RPGRIP1: variants seen among roughly 807,000 people sequenced by gnomAD.
The protein encoded by RPGRIP1 is RPGR interacting protein 1, also known as X-linked retinitis pigmentosa GTPase regulator-interacting protein 1.
In RPGRIP1, 128 loss-of-function variants were observed where a neutral mutation model predicts 157.9. The ratio of observed to expected loss-of-function variants is 0.81; its 90% confidence interval spans 0.70 to 0.94. The LOEUF is 0.94. RPGRIP1 is among the 40% of genes least tolerant of loss of function. The pLI, the probability that RPGRIP1 is intolerant of heterozygous loss-of-function variation, is 0.00. For synonymous variants in RPGRIP1, 554 were observed against 571.6 expected, an observed-to-expected ratio of 0.97 and a Z score of 0.44; for missense variants, 1,486 against 1,545.8, an observed-to-expected ratio of 0.96 and a Z score of 0.65.
At chr14:21,284,608 G>T (rs978567783) in intron 1 of RPGRIP1, among the ~76,000 whole-genome samples, 1 of 142,244 alleles carries the variant, frequency 7.0e-6, no homozygotes, top group African/African-American at 2.6e-5. Context: ...ACAGTGGCAC[G>T]ATCTCTGCTC....
intron 17 of RPGRIP1, among the ~76,000 whole-genome samples, chr14:21,326,446 A>C (rs1266415744): frequency 6.6e-6 from 1 of 152,138 alleles, no homozygotes; most frequent in Non-Finnish European, 1.5e-5. Context: ...CTGTATCTGA[A>C]TAAACTTCTT....
At chr14:21,321,238 C>T (rs1362163574) in intron 12 of RPGRIP1, 21 bp from the exon 13 acceptor site, 3 of 1,604,926 alleles carry the variant, frequency 1.9e-6, no homozygotes, top group Non-Finnish European at 1.7e-6. Context: ...CTCCCTTTTA[C>T]CAATGCGTTT....
At chr14:21,300,705 CT>C (rs918137131) in intron 3 of RPGRIP1, among the ~76,000 whole-genome samples, 2,358 of 73,398 alleles carry the variant, frequency 0.032, 17 homozygotes, top group African/African-American at 0.056. Flanking sequence ...AGTGGCTCAA[CT>C]TTTTTTTTTT....
Position 21,337,913 on chromosome 14 carries a change from G to A in RPGRIP1, c.3339+3208G>A, listed in dbSNP as rs973566978. The stretch of plus-strand genomic sequence containing the variant: ...TGGGACTACAGACACACGCTGTCAC[G>A]TCCAGCTAATTTTTTTGTTTTGAGA... On this transcript the variant is annotated intron_variant, in intron 21 of 24. Transcript: ENST00000400017. Among the ~76,000 whole-genome samples the A allele has an allele frequency of 4.6e-5, 7 of 151,272 alleles. No homozygotes were observed. The South Asian group carries it at 1.1e-3, about 23-fold the overall frequency.
intron 24 of RPGRIP1, among the ~76,000 whole-genome samples, chr14:21,349,489 CTCTT>C (rs1594285267): frequency 6.7e-6 from 1 of 149,312 alleles, no homozygotes; most frequent in African/African-American, 2.5e-5. Flanking sequence ...CAACCTCTGC[CTCTT>C]TCTTAATCAA....
At chr14:21,316,848 G>C (rs1180073196) in intron 10 of RPGRIP1, among the ~76,000 whole-genome samples, 3 of 152,134 alleles carry the variant, frequency 2.0e-5, no homozygotes, top group Admixed American at 6.5e-5. Context: ...GGCTGGGCAT[G>C]GTGGCTCACA....
chr14:21,294,280 G>C (rs753921846), intron 2 of RPGRIP1, among the ~76,000 whole-genome samples: 1 of 151,202 alleles, frequency 6.6e-6, no homozygotes, highest in Non-Finnish European at 1.5e-5. Context: ...ACCCAGGGTG[G>C]AGTACAGTGG....
intron 6 of RPGRIP1, among the ~76,000 whole-genome samples, chr14:21,304,437 AAG>A (rs1881208438): frequency 1.3e-5 from 2 of 149,848 alleles, no homozygotes; most frequent in South Asian, 2.1e-4. Context: ...GAAAGAAAGA[AAG>A]AAAGAAATTA....
chr14:21,301,860 A>G (rs899406172), intron 4 of RPGRIP1, among the ~76,000 whole-genome samples: 2 of 151,988 alleles, frequency 1.3e-5, no homozygotes, highest in African/African-American at 4.8e-5. Context: ...CCTGGGCAAC[A>G]GAGTGACACT....
chr14:21,319,577 C>T (rs1200283616), intron 11 of RPGRIP1, among the ~76,000 whole-genome samples: 3 of 152,058 alleles, frequency 2.0e-5, no homozygotes, highest in Non-Finnish European at 4.4e-5. Flanking sequence ...AACACACACA[C>T]ACACATTGGA....
chr14:21,328,521 A>G lies in RPGRIP1; in HGVS notation c.2993A>G (p.Gln998Arg), dbSNP rs1883354997. ...GGAGAAAGAAAGGAGAAGGAGCACC[A>G]GGTTGTGAGCTACTCAAGAAGAAAA... ...HGGERKEKEH[Q>R]VVSYSRRKHG... Residue 998 changes from glutamine to arginine, a missense_variant, in exon 19 of 25, where the codon CAG becomes CGG. Physicochemically the swap from Gln to Arg is conservative, Grantham distance 43. Transcript: ENST00000400017. 2 of 1,613,566 alleles carry G rather than the reference A, an allele frequency of 1.2e-6. No individual in the cohort carries two copies.
At chr14:21,350,061 A>G (rs899747738) in intron 24 of RPGRIP1, among the ~76,000 whole-genome samples, 2 of 152,120 alleles carry the variant, frequency 1.3e-5, no homozygotes, top group Admixed American at 6.5e-5. Flanking sequence ...AAAAATGCAA[A>G]CCAAAACTGT....
At position 21,351,282 on chromosome 14, in the gene RPGRIP1, T is replaced by A; in HGVS notation, c.*66T>A. On this transcript the variant is annotated 3_prime_UTR_variant, in exon 25 of 25. Transcript: ENST00000400017. ...CCATAGTAAAAAGTCTCTTATAAAGTTAGCTTGCTATAACATGAATTTGGT... is the reference window on the plus strand; with the variant it reads ...CCATAGTAAAAAGTCTCTTATAAAGATAGCTTGCTATAACATGAATTTGGT... The A allele has an allele frequency of 2.1e-6, 2 of 948,640 alleles. No homozygotes were observed. Among genetic ancestry groups the A allele is most frequent in the Non-Finnish European group, 3.3e-6 (2 of 602,908 alleles). The allele number at this position is 948,640 out of a possible 1,614,324, so 58.8% of individuals were successfully genotyped here. A position where few individuals can be genotyped will look rare whatever the true frequency, so the allele number is the denominator to read the frequency against.
intron 11 of RPGRIP1, among the ~76,000 whole-genome samples, chr14:21,318,953 T>C (rs1882098222): frequency 6.6e-6 from 1 of 152,182 alleles, no homozygotes; most frequent in Non-Finnish European, 1.5e-5. Context: ...GATAGGTATT[T>C]GGAACATTTT....
chr14:21,339,154 G>T (rs1192407319), intron 21 of RPGRIP1, among the ~76,000 whole-genome samples: 1 of 151,022 alleles, frequency 6.6e-6, no homozygotes, highest in Non-Finnish European at 1.5e-5. Context: ...GTTTTGTTTT[G>T]TTTTTTTAAC....
At chr14:21,298,681 C>T (rs1173936264) in intron 3 of RPGRIP1, among the ~76,000 whole-genome samples, 1 of 151,936 alleles carries the variant, frequency 6.6e-6, no homozygotes, top group Non-Finnish European at 1.5e-5. Context: ...GTGGCTCATG[C>T]CTGTAATTCC....
At chr14:21,280,271 T>C (rs1283500138) in intron 1 of RPGRIP1, among the ~76,000 whole-genome samples, 112 bp downstream of exon 1, 3 of 128,202 alleles carry the variant, frequency 2.3e-5, no homozygotes, top group African/African-American at 8.9e-5. Flanking sequence ...TGAGACAGAG[T>C]CTTACTCTGT....
chr14:21,317,711 T>G lies in RPGRIP1; in HGVS notation c.1167T>G (p.Ser389Arg). The G allele has an allele frequency of 6.3e-7, 1 of 1,586,418 alleles. No homozygotes were observed. Among genetic ancestry groups the G allele is most frequent in the African/African-American group, 1.3e-5 (1 of 74,468 alleles). ...DKLLESMLDSSDSSSQPHWSN... is the reference protein window; with the variant it reads ...DKLLESMLDSRDSSSQPHWSN... The stretch of plus-strand genomic sequence containing the variant: ...CCATTGCCAGCATGCTGGACAGCAG[T>G]GACAGCTCCAGTCAGCCCCACTGGA... The change falls in exon 11 of 25, where the codon AGT becomes AGG. Residue 389 changes from serine (S) to arginine (R), a missense_variant. By Grantham distance (110) the Ser-to-Arg change is moderately radical. Coordinates refer to ENST00000400017, the MANE Select transcript of RPGRIP1 (RefSeq NM_020366.4).
chr14:21,288,120 A>G, intron 2 of RPGRIP1, 59 bp downstream of exon 2: 1 of 1,088,608 alleles, frequency 9.2e-7, no homozygotes, highest in East Asian at 2.4e-5. Flanking sequence ...TCACTGTGGA[A>G]CATCTTGCTG....
Sources: allele counts gnomAD v4.1 joint callset (sites outside exome capture counted in the v4.1 genomes callset), GRCh38; gene constraint gnomAD v4.1.1; transcripts MANE v1.5; gene names NCBI Gene and HGNC (gene_info 2026-07-23, HGNC 2026-07-21).